Variants in SNX2 observed in about 807,000 individuals in gnomAD.
The protein encoded by SNX2 is sorting nexin 2, also known as sorting nexin-2.
A neutral mutation model predicts 69.9 loss-of-function variants in SNX2; 25 were observed. The observed-to-expected ratio is 0.36, with a 90% CI of 0.26 to 0.50. The LOEUF (loss-of-function observed/expected upper bound fraction) is 0.50. SNX2 is among the 20% of genes least tolerant of loss of function. SNX2 has a pLI of 0.97. For synonymous variants in SNX2, 229 were observed against 200.4 expected, an observed-to-expected ratio of 1.14 and a Z score of -1.20; for missense variants, 551 against 613.3, an observed-to-expected ratio of 0.90 and a Z score of 1.07.
At chr5:122,814,353 A>G (rs1753852586) in intron 7 of SNX2, among the ~76,000 whole-genome samples, 1 of 152,192 alleles carries the variant, frequency 6.6e-6, no homozygotes, top group Non-Finnish European at 1.5e-5. Flanking sequence ...TTGGCTTCAT[A>G]ATATAGGTAG....
chr5:122,779,664 A>G (rs1752928483), intron 1 of SNX2, among the ~76,000 whole-genome samples: 1 of 152,350 alleles, frequency 6.6e-6, no homozygotes, highest in Middle Eastern at 3.4e-3. Flanking sequence ...TGGTAACTCC[A>G]TGTTTAATCA....
intron 1 of SNX2, among the ~76,000 whole-genome samples, chr5:122,787,318 G>A (rs1753112123): frequency 6.6e-6 from 1 of 152,038 alleles, no homozygotes; most frequent in South Asian, 2.1e-4. Context: ...TCAGGAGTTC[G>A]AGACCAGCCT....
At chr5:122,812,610 A>G (rs1050346667) in intron 7 of SNX2, among the ~76,000 whole-genome samples, 2 of 152,046 alleles carry the variant, frequency 1.3e-5, no homozygotes, top group Non-Finnish European at 2.9e-5. Context: ...TTTTTTTCCC[A>G]TAGCTTTTGC....
At position 122,808,265 on chromosome 5, in the gene SNX2, A is replaced by C. The variant is rs758604337; in HGVS notation, c.644-12A>C. ...ATAAAGTCATCATGAATCTCATTCA[A>C]CTTCTTCAAAGGGATGACCAAGGTC... On this transcript the variant is annotated splice_polypyrimidine_tract_variant and intron_variant, in intron 6 of 14. Transcript: ENST00000379516. The C allele has an allele frequency of 1.0e-5, 16 of 1,568,592 alleles. No individual in the cohort carries two copies. Among genetic ancestry groups the C allele is most frequent in the Admixed American group, 3.6e-5 (2 of 54,818 alleles).
chr5:122,793,599 A>G (rs2150004856), intron 1 of SNX2, among the ~76,000 whole-genome samples: 1 of 152,288 alleles, frequency 6.6e-6, no homozygotes, highest in Non-Finnish European at 1.5e-5. Context: ...TTATACTTCA[A>G]TAAAAAGGTT....
intron 13 of SNX2, 30 bp downstream of exon 13, chr5:122,827,489 A>G: frequency 6.3e-7 from 1 of 1,596,250 alleles, no homozygotes; most frequent in Non-Finnish European, 8.6e-7. Context: ...ATTTATCTTA[A>G]CAACATGGTC....
chr5:122,829,770 T>TCA lies in SNX2; in HGVS notation c.*122_*123insCA, dbSNP rs1554064635. ...TATATTTTATGAATTACATGTGGTT[T>TCA]TATATACACACACACACACACACAC... On this transcript the variant is annotated 3_prime_UTR_variant, in exon 15 of 15. Transcript: ENST00000379516. 1.6e-6 allele frequency: 1 copy of TCA among 642,194 alleles called. No individual in the cohort carries two copies. The allele number at this position is 642,194 out of a possible 1,614,324, so 39.8% of individuals were successfully genotyped here.
intron 7 of SNX2, among the ~76,000 whole-genome samples, chr5:122,814,417 T>C (rs1436171192): frequency 6.6e-6 from 1 of 152,204 alleles, no homozygotes; most frequent in Non-Finnish European, 1.5e-5. Flanking sequence ...TGTTAAATGC[T>C]CTGGTTCTAG....
intron 7 of SNX2, among the ~76,000 whole-genome samples, chr5:122,810,888 G>C (rs1458074024): frequency 6.6e-6 from 1 of 152,196 alleles, no homozygotes; most frequent in Non-Finnish European, 1.5e-5. Context: ...AAAGGAACTG[G>C]AATGGTTTCT....
intron 12 of SNX2, chr5:122,826,773 G>A (rs1754158882): frequency 3.3e-6 from 1 of 304,888 alleles, no homozygotes; most frequent in Non-Finnish European, 4.8e-6. Flanking sequence ...TATTTTAGTT[G>A]TTTCATTGTT....
Position 122,795,372 on chromosome 5 carries a change from A to G in SNX2, c.215A>G (p.Asp72Gly). ...TEVVLDDDRE[D>G]LFAEATEEVS... ...GTTGTATTAGATGATGACAGAGAAG[A>G]TCTTTTTGCAGGTAATTGTCATGTA... is the stretch of plus-strand genomic sequence containing the variant. Residue 72 changes from aspartate to glycine, a missense_variant, in exon 2 of 15, where the codon GAT becomes GGT. Physicochemically the swap from Asp to Gly is moderately conservative, Grantham distance 94. Transcript: ENST00000379516. 2 of 1,605,808 alleles carry G rather than the reference A, an allele frequency of 1.2e-6. No individual in the cohort carries two copies. The highest frequency in any genetic ancestry group is 1.7e-6 in the Non-Finnish European group (2 of 1,173,020).
At chr5:122,793,231 T>C (rs1206471714) in intron 1 of SNX2, among the ~76,000 whole-genome samples, 1 of 152,236 alleles carries the variant, frequency 6.6e-6, no homozygotes, top group Non-Finnish European at 1.5e-5. Context: ...TAAGTGCTTA[T>C]TAACACTAGA....
intron 11 of SNX2, 81 bp downstream of exon 11, chr5:122,819,104 TG>T: frequency 9.1e-7 from 1 of 1,093,300 alleles, no homozygotes; most frequent in Middle Eastern, 2.9e-4. Context: ...TGTATTTACA[TG>T]TCTAAATTCC....
intron 1 of SNX2, chr5:122,775,820 A>T: frequency 1.0e-6 from 1 of 970,426 alleles, no homozygotes; most frequent in Non-Finnish European, 1.2e-6. Context: ...AAAAGGTCAT[A>T]GTATTTATAA....
intron 1 of SNX2, among the ~76,000 whole-genome samples, chr5:122,791,877 CCTTT>C (rs1473788748): frequency 1.3e-5 from 2 of 152,222 alleles, no homozygotes; most frequent in Non-Finnish European, 2.9e-5. Flanking sequence ...AGATACTCTT[CCTTT>C]CTATGTACAG....
chr5:122,798,835 A>C (rs1341138822), intron 2 of SNX2, among the ~76,000 whole-genome samples: 1 of 152,070 alleles, frequency 6.6e-6, no homozygotes, highest in African/African-American at 2.4e-5. Context: ...TCCCAGCTCA[A>C]CTCAAATTGT....
At chr5:122,792,578 CAAGA>C (rs1753268269) in intron 1 of SNX2, among the ~76,000 whole-genome samples, 1 of 131,040 alleles carries the variant, frequency 7.6e-6, no homozygotes, top group Non-Finnish European at 1.6e-5. Flanking sequence ...GCCTGGGCAA[CAAGA>C]GTGAAACTTC....
At chr5:122,824,255 T>G (rs983966060) in intron 11 of SNX2, among the ~76,000 whole-genome samples, 14 of 151,630 alleles carry the variant, frequency 9.2e-5, no homozygotes. Context: ...ATTTTTTTTT[T>G]AAAGCTCATC....
intron 1 of SNX2, among the ~76,000 whole-genome samples, chr5:122,791,252 T>C (rs1018582711): frequency 1.3e-5 from 2 of 151,774 alleles, no homozygotes; most frequent in Non-Finnish European, 2.9e-5. Context: ...GCCTCCTGAA[T>C]AGCTGGGATT....
Sources: gnomAD v4.1 joint callset for allele counts (sites outside exome capture counted in the v4.1 genomes callset) on GRCh38, gnomAD v4.1.1 for gene constraint, MANE v1.5 for transcripts, NCBI Gene and HGNC (gene_info 2026-07-23, HGNC 2026-07-21) for gene names.